PCSK2: variants seen among roughly 807,000 people sequenced by gnomAD.
PCSK2 encodes the protein proprotein convertase subtilisin/kexin type 2, also known as neuroendocrine convertase 2.
A neutral mutation model predicts 69.7 loss-of-function variants in PCSK2; 14 were observed. That is an observed-to-expected ratio of 0.20 (90% CI 0.13 to 0.31). PCSK2 has a LOEUF of 0.31. Among genes scored for constraint, PCSK2 ranks in the 10% least tolerant of loss-of-function variants. The pLI is 1.00. For missense variants in PCSK2, 544 were observed against 842.5 expected (o/e 0.65, Z 4.39); for synonymous variants, 307 against 320.7 (o/e 0.96, Z 0.46).
chr20:17,462,382 T>A (rs2033028373), intron 10 of PCSK2, among the ~76,000 whole-genome samples: 1 of 152,172 alleles, frequency 6.6e-6, no homozygotes, highest in Admixed American at 6.5e-5. Context: ...TCATTTGGAT[T>A]AAATGCAAAT....
At chr20:17,256,174 T>G (rs540996961) in intron 1 of PCSK2, among the ~76,000 whole-genome samples, 1 of 152,184 alleles carries the variant, frequency 6.6e-6, no homozygotes, top group Non-Finnish European at 1.5e-5. Context: ...AATTCTGTTA[T>G]GTACTTTTTA....
At chr20:17,236,856 T>A (rs1986359891) in intron 1 of PCSK2, among the ~76,000 whole-genome samples, 1 of 152,110 alleles carries the variant, frequency 6.6e-6, no homozygotes, top group Admixed American at 6.6e-5. Context: ...GGAATCACAA[T>A]TATTTCAGAG....
intron 11 of PCSK2, among the ~76,000 whole-genome samples, chr20:17,468,643 T>A (rs1442336486): frequency 7.8e-6 from 1 of 127,596 alleles, no homozygotes; most frequent in Non-Finnish European, 1.6e-5. Context: ...GGTAGCCCAC[T>A]ATAGGTGAGC....
chr20:17,381,582 A>G (rs1223713881), intron 5 of PCSK2, among the ~76,000 whole-genome samples: 2 of 152,182 alleles, frequency 1.3e-5, no homozygotes, highest in African/African-American at 4.8e-5. Context: ...CCCCATCTAT[A>G]ATTGTCATCC....
At chr20:17,424,153 T>C (rs569081938) in intron 6 of PCSK2, among the ~76,000 whole-genome samples, 1 of 152,272 alleles carries the variant, frequency 6.6e-6, no homozygotes, top group African/African-American at 2.4e-5. Flanking sequence ...TAAATACCTA[T>C]CATTAGAAGT....
chr20:17,321,516 C>G (rs1306487630), intron 2 of PCSK2, among the ~76,000 whole-genome samples: 2 of 152,178 alleles, frequency 1.3e-5, no homozygotes, highest in African/African-American at 2.4e-5. Flanking sequence ...TAATAGCTTT[C>G]CATTTTGGGG....
chr20:17,370,856 T>C lies in PCSK2; in HGVS notation c.543+1579T>C, dbSNP rs192725122. Among the ~76,000 whole-genome samples, 158 of 152,300 alleles carry C rather than the reference T, an allele frequency of 1.0e-3. 1 individual carries two copies. Among genetic ancestry groups the C allele is most frequent in the Admixed American group, 9.7e-3 (148 of 15,306 alleles). On this transcript the variant is annotated intron_variant, in intron 5 of 11. Coordinates refer to ENST00000262545, the MANE Select transcript of PCSK2 (RefSeq NM_002594.5). ...AGGCAGGGGATTGAGAAGTGCTGCA[T>C]TGCATTTTCTCCAAGGCTCTGATGT...
At position 17,469,256 on chromosome 20, in the gene PCSK2, A is replaced by G. The variant is rs2033160800; in HGVS notation, c.1430+3703A>G. Reference sequence around the variant, plus strand: ...GGCTGTAAATGTGAGACTGGAAGTCACTTTTATTGAGTGCCAACTGCATGC... The same window carrying G: ...GGCTGTAAATGTGAGACTGGAAGTCGCTTTTATTGAGTGCCAACTGCATGC... On this transcript the variant is annotated intron_variant, in intron 11 of 11. Coordinates refer to ENST00000262545, the MANE Select transcript of PCSK2 (RefSeq NM_002594.5). Among the ~76,000 whole-genome samples the G allele has an allele frequency of 2.0e-5, 3 of 152,200 alleles. 1 individual carries two copies. Among genetic ancestry groups the G allele is most frequent in the African/African-American group, 7.2e-5 (3 of 41,458 alleles).
intron 2 of PCSK2, among the ~76,000 whole-genome samples, chr20:17,327,147 CA>C (rs1990081535): frequency 6.6e-6 from 1 of 152,200 alleles, no homozygotes; most frequent in Admixed American, 6.5e-5. Context: ...ATTTATTTTT[CA>C]AAATCTAATT....
At chr20:17,442,534 G>A (rs1043007616) in intron 8 of PCSK2, among the ~76,000 whole-genome samples, 4 of 152,096 alleles carry the variant, frequency 2.6e-5, no homozygotes, top group Non-Finnish European at 4.4e-5. Context: ...CAGCCAAGAT[G>A]GTCAATAGTT....
intron 11 of PCSK2, among the ~76,000 whole-genome samples, chr20:17,472,787 G>A (rs2033224382): frequency 6.6e-6 from 1 of 152,194 alleles, no homozygotes; most frequent in East Asian, 1.9e-4. Context: ...GGCTGGTGTC[G>A]AGCTCCTGAC....
rs577728223 is a variant in PCSK2, at chr20:17,318,688, T to C, written c.283-39639T>C. 2.6e-5 allele frequency among the ~76,000 whole-genome samples: 4 copies of C among 152,356 alleles called. No homozygotes were observed. In the East Asian group the frequency reaches 5.8e-4, roughly 22 times the overall value. ...CTCCACGGGGCATTCCACCCAACAA[T>C]CACCATCTGCCAGGGACGCCTATGA... On this transcript the variant is annotated intron_variant, in intron 2 of 11. Coordinates refer to ENST00000262545, the MANE Select transcript of PCSK2 (RefSeq NM_002594.5).
intron 1 of PCSK2, among the ~76,000 whole-genome samples, chr20:17,250,459 A>T (rs1986931504): frequency 6.6e-6 from 1 of 152,142 alleles, no homozygotes; most frequent in South Asian, 2.1e-4. Context: ...GTTAACTTAG[A>T]TCGCTTGGGT....
At chr20:17,358,586 C>A (rs1297602017) in intron 3 of PCSK2, 146 bp downstream of exon 3, 1 of 584,772 alleles carries the variant, frequency 1.7e-6, no homozygotes, top group South Asian at 2.3e-5. Context: ...TATTGATTTT[C>A]TGTCACCACC....
chr20:17,479,019 C>T (rs145902602), intron 11 of PCSK2: 2 of 917,446 alleles, frequency 2.2e-6, no homozygotes, highest in East Asian at 2.5e-5. Context: ...TAATAAATAA[C>T]TATTTTTGAA....
chr20:17,447,309 CA>C (rs1311400882), intron 8 of PCSK2, among the ~76,000 whole-genome samples: 1 of 149,714 alleles, frequency 6.7e-6, no homozygotes, highest in African/African-American at 2.5e-5. Flanking sequence ...AAAACATAGG[CA>C]AAGCATATTA....
chr20:17,444,067 C>T (rs2032649658), intron 8 of PCSK2, among the ~76,000 whole-genome samples: 1 of 152,164 alleles, frequency 6.6e-6, no homozygotes, highest in African/African-American at 2.4e-5. Flanking sequence ...GTTCATTGTG[C>T]ATTAGCGAAG....
At chr20:17,325,798 C>G (rs1990029815) in intron 2 of PCSK2, among the ~76,000 whole-genome samples, 1 of 152,100 alleles carries the variant, frequency 6.6e-6, no homozygotes, top group Non-Finnish European at 1.5e-5. Flanking sequence ...ATGTTATTCT[C>G]AAGCCACCAG....
chr20:17,265,877 A>G (rs1388413869), intron 2 of PCSK2, among the ~76,000 whole-genome samples: 1 of 152,220 alleles, frequency 6.6e-6, no homozygotes, highest in Non-Finnish European at 1.5e-5. Context: ...AGACCCAGAG[A>G]GAGAGAAGGT....
Sources: allele counts gnomAD v4.1 joint callset (sites outside exome capture counted in the v4.1 genomes callset), GRCh38; gene constraint gnomAD v4.1.1; transcripts MANE v1.5; gene names NCBI Gene and HGNC (gene_info 2026-07-23, HGNC 2026-07-21).